PLCB4: variants seen among roughly 807,000 people sequenced by gnomAD.
The protein encoded by PLCB4 is 1-phosphatidylinositol 4,5-bisphosphate phosphodiesterase beta-4.
Under a neutral mutation model 178.8 loss-of-function variants are expected in PLCB4, and 77 were observed. That is an observed-to-expected ratio of 0.43 (90% CI 0.36 to 0.52). The LOEUF (loss-of-function observed/expected upper bound fraction) is 0.52, where lower values mean the gene tolerates loss of function less well. Ranked by LOEUF, PLCB4 falls within the 20% of genes least tolerant of loss-of-function variation. PLCB4 has a pLI of 0.00. For synonymous variants in PLCB4, 496 were observed against 490.8 expected (o/e 1.01, Z -0.14); for missense variants, 1,024 against 1,453.4 (o/e 0.70, Z 4.80).
intron 30 of PLCB4, among the ~76,000 whole-genome samples, chr20:9,440,050 G>C (rs2042016230): frequency 6.6e-6 from 1 of 152,222 alleles, no homozygotes; most frequent in Non-Finnish European, 1.5e-5. Context: ...CAAGTGGGCT[G>C]TCTTCCTTGT....
chr20:9,240,598 G>A (rs974989702), intron 3 of PLCB4, among the ~76,000 whole-genome samples: 2 of 151,996 alleles, frequency 1.3e-5, no homozygotes, highest in Non-Finnish European at 2.9e-5. Context: ...TATTCCCTGC[G>A]CCAGCTCCAA....
In PLCB4 at chr20:9,479,291, A is replaced by G. The variant is rs1437401452; in HGVS notation, c.*282A>G. On this transcript the variant is annotated 3_prime_UTR_variant, in exon 40 of 40. Transcript: ENST00000378473. ...AACATGTTTGCTATAAAATACCATC[A>G]CAAGTAAATGAGCTTGGTGTGAACA... 1 of 402,854 alleles carries G rather than the reference A, an allele frequency of 2.5e-6. No homozygotes were observed. The highest frequency in any genetic ancestry group is 4.6e-6 in the Non-Finnish European group (1 of 219,464). The allele number at this position is 402,854 out of a possible 1,614,324, so 25.0% of individuals were successfully genotyped here.
intron 33 of PLCB4, among the ~76,000 whole-genome samples, chr20:9,454,235 C>T (rs58706223): frequency 0.036 from 5,488 of 152,174 alleles, 329 homozygotes; most frequent in African/African-American, 0.12. Context: ...TCTCAGTCCA[C>T]GATATTGGGG....
At chr20:9,435,152 A>ATGATTAT (rs1477381050) in intron 28 of PLCB4, among the ~76,000 whole-genome samples, 1 of 152,172 alleles carries the variant, frequency 6.6e-6, no homozygotes, top group African/African-American at 2.4e-5. Context: ...TTGAATTATC[A>ATGATTAT]TGATTATTCT....
intron 2 of PLCB4, among the ~76,000 whole-genome samples, chr20:9,193,275 A>G (rs2093428590): frequency 6.6e-6 from 1 of 152,236 alleles, no homozygotes; most frequent in Non-Finnish European, 1.5e-5. Context: ...AAGGAAGCCA[A>G]TAAATGGTTT....
chr20:9,307,846 A>C lies in PLCB4; in HGVS notation c.32A>C (p.Lys11Thr). Residue 11 changes from lysine (K) to threonine (T), a missense_variant, in exon 4 of 40, where the codon AAG becomes ACG. By Grantham distance (78) the Lys-to-Thr change is moderately conservative (BLOSUM62 -1). Transcript: ENST00000378473. MAKPYEFNWQ[K>T]EVPSFLQEGA... ...AAACCTTATGAATTTAACTGGCAGAAGGAAGTTCCCTCCTTTTTGCAAGAA... is the reference window on the plus strand; with the variant it reads ...AAACCTTATGAATTTAACTGGCAGACGGAAGTTCCCTCCTTTTTGCAAGAA... 1.2e-6 allele frequency: 2 copies of C among 1,602,586 alleles called. No individual in the cohort carries two copies. The highest frequency in any genetic ancestry group is 1.7e-6 in the Non-Finnish European group (2 of 1,170,718).
intron 17 of PLCB4, among the ~76,000 whole-genome samples, chr20:9,393,011 C>A (rs920224289): frequency 5.9e-5 from 9 of 152,070 alleles, no homozygotes; most frequent in African/African-American, 2.2e-4. Context: ...ACCTCCTTTG[C>A]AGATATAAAT....
At chr20:9,293,401 A>AAAGGGAAGGG (rs138357492) in intron 3 of PLCB4, among the ~76,000 whole-genome samples, 1 of 144,904 alleles carries the variant, frequency 6.9e-6, no homozygotes, top group African/African-American at 2.6e-5. Flanking sequence ...GAAGGAAAGG[A>AAAGGGAAGGG]AAGGGAAGGG....
chr20:9,396,134 C>T (rs150359993), intron 19 of PLCB4, among the ~76,000 whole-genome samples: 319 of 152,324 alleles, frequency 2.1e-3, no homozygotes, highest in African/African-American at 7.4e-3. Flanking sequence ...CTTGTCATCT[C>T]CCTTCCTATT....
chr20:9,084,112 GGTTTA>G (rs2090290944), intron 1 of PLCB4, among the ~76,000 whole-genome samples: 1 of 152,092 alleles, frequency 6.6e-6, no homozygotes, highest in African/African-American at 2.4e-5. Flanking sequence ...TTCTTGAGTT[GGTTTA>G]GTTTAGAGAG....
At chr20:9,296,644 G>C (rs2094638793) in intron 3 of PLCB4, among the ~76,000 whole-genome samples, 1 of 152,114 alleles carries the variant, frequency 6.6e-6, no homozygotes. Flanking sequence ...TTAAGAAAAT[G>C]TGGCACATAT....
intron 2 of PLCB4, among the ~76,000 whole-genome samples, chr20:9,142,783 A>C (rs944309667): frequency 6.6e-6 from 1 of 152,236 alleles, no homozygotes; most frequent in Middle Eastern, 3.4e-3. Context: ...AGCAGCCCAA[A>C]TGATGCTCTG....
At chr20:9,437,772 T>C (rs927781689) in intron 30 of PLCB4, among the ~76,000 whole-genome samples, 2 of 152,142 alleles carry the variant, frequency 1.3e-5, no homozygotes, top group Admixed American at 1.3e-4. Flanking sequence ...TGAAGAAAAT[T>C]ATAGTCTTGG....
At chr20:9,100,434 C>T (rs1038071796) in intron 2 of PLCB4, among the ~76,000 whole-genome samples, 2 of 152,058 alleles carry the variant, frequency 1.3e-5, no homozygotes, top group Admixed American at 6.6e-5. Context: ...AGTGCAGTGG[C>T]ATGACTGCAG....
At position 9,217,404 on chromosome 20, in the gene PLCB4, G is replaced by C. The variant is rs1401158993; in HGVS notation, c.-64G>C. 6.6e-6 allele frequency: 1 copy of C among 152,228 alleles called. No individual in the cohort carries two copies. The highest frequency in any genetic ancestry group is 2.4e-5 in the African/African-American group (1 of 41,452). The allele number at this position is 152,228 out of a possible 1,614,324, so 9.4% of individuals were successfully genotyped here. A position where few individuals can be genotyped will look rare whatever the true frequency, so the allele number is the denominator to read the frequency against. On this transcript the variant is annotated 5_prime_UTR_variant, in exon 3 of 40. Transcript: ENST00000378473. ...GTCTGTTTCAGAGGACAGTGCTGCT[G>C]TGAGTTTGACGAAGTGGACATCACC...
chr20:9,393,822 A>G (rs897645382), intron 18 of PLCB4, 144 bp downstream of exon 18: 8 of 486,504 alleles, frequency 1.6e-5, no homozygotes, highest in Admixed American at 3.9e-5. Flanking sequence ...TCAGAGCAAG[A>G]TTGCCACATT....
chr20:9,071,590 C>T lies in PLCB4; in HGVS notation c.-135+2384C>T, dbSNP rs548967926. 3.3e-5 allele frequency among the ~76,000 whole-genome samples: 5 copies of T among 152,072 alleles called. 1 individual carries two copies. In the East Asian group the frequency reaches 5.8e-4, roughly 18 times the overall value. On this transcript the variant is annotated intron_variant, in intron 1 of 39. Coordinates refer to ENST00000378473, the MANE Select transcript of PLCB4 (RefSeq NM_001377142.1). ...TTCATCCCCAGTTTTTCAGATGTAG[C>T]TGGAAAACTCAAATAACAGAATTAA...
chr20:9,361,188 A>G (rs1438858096), intron 7 of PLCB4, among the ~76,000 whole-genome samples: 1 of 152,252 alleles, frequency 6.6e-6, no homozygotes, highest in Non-Finnish European at 1.5e-5. Context: ...TCCATAAATA[A>G]GAATTGAAAG....
chr20:9,235,729 G>A lies in PLCB4; in HGVS notation c.-16+18277G>A, dbSNP rs550165691. On this transcript the variant is annotated intron_variant, in intron 3 of 39. Coordinates refer to ENST00000378473, the MANE Select transcript of PLCB4 (RefSeq NM_001377142.1). ...CTGGTTTACATCAGGAAGTGAGTAA[G>A]AAATGCTTGGGCAAGACACACTTCA... is the stretch of plus-strand genomic sequence containing the variant. 3.3e-5 allele frequency among the ~76,000 whole-genome samples: 5 copies of A among 152,328 alleles called. No individual in the cohort carries two copies. In the South Asian group the frequency reaches 8.3e-4, roughly 25 times the overall value.
Sources: gnomAD v4.1 joint callset for allele counts (sites outside exome capture counted in the v4.1 genomes callset) on GRCh38, gnomAD v4.1.1 for gene constraint, MANE v1.5 for transcripts, NCBI Gene and HGNC (gene_info 2026-07-23, HGNC 2026-07-21) for gene names.